GALNT18: variants seen among roughly 807,000 people sequenced by gnomAD.
GALNT18 encodes GalNAc-transferase 18.
GALNT18 carries 44 observed loss-of-function variants against 69.5 expected under a neutral mutation model. The observed-to-expected ratio is 0.63, with a 90% CI of 0.50 to 0.81. GALNT18 has a LOEUF of 0.81. GALNT18 is among the 40% of genes least tolerant of loss of function. The probability of loss-of-function intolerance (pLI) is 0.00; values close to 1 mark genes in which losing one functional copy is unlikely to be tolerated. For synonymous variants in GALNT18, 364 were observed against 318.2 expected (o/e 1.14, Z -1.53); for missense variants, 715 against 810.0 (o/e 0.88, Z 1.42).
chr11:11,577,402 T>G (rs1440477362), intron 1 of GALNT18, among the ~76,000 whole-genome samples: 4 of 152,140 alleles, frequency 2.6e-5, no homozygotes, highest in African/African-American at 9.7e-5. Context: ...GCTCTGAACC[T>G]TCTCCGTCCA....
rs1860115276 is a variant in GALNT18, at chr11:11,618,587, T to G, written c.235+2772A>C. Among the ~76,000 whole-genome samples the G allele has an allele frequency of 6.6e-6, 1 of 152,174 alleles. No homozygotes were observed. Among genetic ancestry groups the G allele is most frequent in the African/African-American group, 2.4e-5 (1 of 41,434 alleles). ...CCTGGGGCCCTCCTGGGAGACAGTT[T>G]AGTACGTGGGTAAGAACTTAGACTT... On this transcript the variant is annotated intron_variant, in intron 1 of 10. Coordinates refer to ENST00000227756, the MANE Select transcript of GALNT18 (RefSeq NM_198516.3). This position sits in a 1 kb window ranked among gnomAD's most constrained non-coding sequence, Gnocchi z 6.1.
In GALNT18 at chr11:11,271,645, G is replaced by A. The variant is rs554259111; in HGVS notation, c.1678-355C>T. Among the ~76,000 whole-genome samples, 5 of 87,306 alleles carry A rather than the reference G, an allele frequency of 5.7e-5. No homozygotes were observed. In the East Asian group the frequency reaches 1.6e-3, roughly 28 times the overall value. The allele number at this position is 87,306 out of a possible 152,430, so 57.3% of individuals were successfully genotyped here. On this transcript the variant is annotated intron_variant, in intron 10 of 10. Transcript: ENST00000227756. ...TCTGAAAAGCCTAGTTTCTTGGGAC[G>A]ACCCATCATTGGCCTGCATTTGAGC...
chr11:11,569,679 C>A (rs1223217530), intron 1 of GALNT18, among the ~76,000 whole-genome samples: 2 of 152,160 alleles, frequency 1.3e-5, no homozygotes, highest in South Asian at 2.1e-4. Context: ...CTGAACAATA[C>A]CCAATGTGAC....
At chr11:11,442,266 T>C (rs1001686646) in intron 2 of GALNT18, among the ~76,000 whole-genome samples, 2 of 152,198 alleles carry the variant, frequency 1.3e-5, no homozygotes, top group African/African-American at 4.8e-5. Flanking sequence ...TCTTCCACTT[T>C]TAAGTGCCCT....
intron 1 of GALNT18, among the ~76,000 whole-genome samples, chr11:11,611,490 A>G (rs1355888858): frequency 6.6e-6 from 1 of 152,188 alleles, no homozygotes; most frequent in Admixed American, 6.5e-5. Flanking sequence ...GCACCATCAG[A>G]AAGGCTATTT....
chr11:11,423,704 A>T (rs947767261), intron 3 of GALNT18, among the ~76,000 whole-genome samples: 3 of 152,186 alleles, frequency 2.0e-5, no homozygotes, highest in African/African-American at 4.8e-5. Context: ...GGAATCAGAG[A>T]CCCATGGTGT....
rs1273269635 is a variant in GALNT18 at position 11,586,452 on chromosome 11, A to T, written c.235+34907T>A. Among the ~76,000 whole-genome samples, 2 of 152,158 alleles carry T rather than the reference A, an allele frequency of 1.3e-5. No individual in the cohort carries two copies. Among genetic ancestry groups the T allele is most frequent in the Admixed American group, 6.5e-5 (1 of 15,276 alleles). On this transcript the variant is annotated intron_variant, in intron 1 of 10. Coordinates refer to ENST00000227756, the MANE Select transcript of GALNT18 (RefSeq NM_198516.3). The surrounding 1 kb of genome is among the most constrained non-coding windows in gnomAD (Gnocchi z 4.1). ...AAAAAGTTTGAAAACTTCTGGCTTA[A>T]ACTATAGCTAAAAGATAGGAAATTC...
chr11:11,363,189 C>T (rs577721243), intron 6 of GALNT18, among the ~76,000 whole-genome samples: 115 of 152,204 alleles, frequency 7.6e-4, no homozygotes, highest in African/African-American at 2.6e-3. Flanking sequence ...AAGAGAACAA[C>T]GCTGAAAGTT....
chr11:11,512,569 T>C (rs1208852800), intron 1 of GALNT18, among the ~76,000 whole-genome samples: 1 of 152,228 alleles, frequency 6.6e-6, no homozygotes, highest in Non-Finnish European at 1.5e-5. Flanking sequence ...ATAGTTTCTT[T>C]CTGAGCCCAG....
At chr11:11,362,397 TCAAGA>T (rs1377993328) in intron 6 of GALNT18, among the ~76,000 whole-genome samples, 2 of 151,880 alleles carry the variant, frequency 1.3e-5, no homozygotes, top group Non-Finnish European at 2.9e-5. Flanking sequence ...AGAAGTAAAA[TCAAGA>T]CAAGTAATAA....
chr11:11,520,018 A>G (rs1857360521), intron 1 of GALNT18, among the ~76,000 whole-genome samples: 1 of 152,222 alleles, frequency 6.6e-6, no homozygotes, highest in African/African-American at 2.4e-5. Flanking sequence ...CAAGAGCTAG[A>G]GGCAGCCAGG....
chr11:11,466,277 G>C (rs7113027), intron 1 of GALNT18, among the ~76,000 whole-genome samples: 3 of 152,132 alleles, frequency 2.0e-5, no homozygotes, highest in African/African-American at 7.2e-5. Context: ...TTATAAACCA[G>C]TGCCACCTTT....
At chr11:11,443,074 C>T (rs940770150) in intron 2 of GALNT18, among the ~76,000 whole-genome samples, 3 of 152,210 alleles carry the variant, frequency 2.0e-5, no homozygotes, top group Admixed American at 1.3e-4. Flanking sequence ...CTTTCCTGTG[C>T]CCCTTGTTTG....
Position 11,591,340 on chromosome 11 carries a change from T to C in GALNT18, c.235+30019A>G, listed in dbSNP as rs76188304. 0.043 allele frequency among the ~76,000 whole-genome samples: 6,543 copies of C among 152,274 alleles called. 192 individuals carry two copies. Among genetic ancestry groups the C allele is most frequent in the Middle Eastern group, 0.19 (57 of 294 alleles). ...TGTTAACAATGCATTTCTCAGAACA[T>C]ATCCCCATCATTATGTGATACATGA... is the stretch of plus-strand genomic sequence containing the variant. On this transcript the variant is annotated intron_variant, in intron 1 of 10. Transcript: ENST00000227756. The surrounding 1 kb of genome is among the most constrained non-coding windows in gnomAD (Gnocchi z 4.8).
intron 7 of GALNT18, among the ~76,000 whole-genome samples, chr11:11,335,341 C>G (rs1347988491): frequency 6.6e-6 from 1 of 152,182 alleles, no homozygotes; most frequent in African/African-American, 2.4e-5. Context: ...TATTAATTGA[C>G]TTTTGCCTTT....
At chr11:11,292,500 G>A (rs566368675) in intron 10 of GALNT18, among the ~76,000 whole-genome samples, 1 of 152,294 alleles carries the variant, frequency 6.6e-6, no homozygotes. Context: ...ATGCTGTCTG[G>A]CAAGGAAACC....
At chr11:11,488,882 AC>A (rs1856699199) in intron 1 of GALNT18, among the ~76,000 whole-genome samples, 1 of 152,218 alleles carries the variant, frequency 6.6e-6, no homozygotes, top group African/African-American at 2.4e-5. Context: ...AAGAGCTTTA[AC>A]CTCTTTGTTC....
rs1290244469 is a variant in GALNT18, at chr11:11,540,689, A to T, written c.235+80670T>A. 6.6e-6 allele frequency among the ~76,000 whole-genome samples: 1 copy of T among 152,096 alleles called. No individual in the cohort carries two copies. The highest frequency in any genetic ancestry group is 2.4e-5 in the African/African-American group (1 of 41,404). On this transcript the variant is annotated intron_variant, in intron 1 of 10. Coordinates refer to ENST00000227756, the MANE Select transcript of GALNT18 (RefSeq NM_198516.3). This position sits in a 1 kb window ranked among gnomAD's most constrained non-coding sequence, Gnocchi z 4.6. ...TCCTGCCACCTCTAATGAGATATGCACTTCAAAAAGGCACCCTCAACAAGC... is the reference window on the plus strand; with the variant it reads ...TCCTGCCACCTCTAATGAGATATGCTCTTCAAAAAGGCACCCTCAACAAGC...
At chr11:11,345,360 T>C (rs7944522) in intron 6 of GALNT18, among the ~76,000 whole-genome samples, 145,027 of 152,152 alleles carry the variant, frequency 0.95, 69,481 homozygotes, top group East Asian at 1. Context: ...TCCTGGGAGA[T>C]AAGTGGCTCC....
Sources: allele counts gnomAD v4.1 joint callset (sites outside exome capture counted in the v4.1 genomes callset), GRCh38; gene constraint gnomAD v4.1.1; non-coding constraint Gnocchi (gnomAD v3.1); transcripts MANE v1.5; gene names NCBI Gene and HGNC (gene_info 2026-07-23, HGNC 2026-07-21).